WDFY4: variants seen among roughly 807,000 people sequenced by gnomAD.
The protein encoded by WDFY4 is WD repeat- and FYVE domain-containing protein 4.
Under a neutral mutation model 351.9 loss-of-function variants are expected in WDFY4, and 169 were observed. That is an observed-to-expected ratio of 0.48 (90% CI 0.42 to 0.55). WDFY4 has a LOEUF of 0.55. WDFY4 is among the 20% of genes least tolerant of loss of function. The pLI, the probability that WDFY4 is intolerant of heterozygous loss-of-function variation, is 0.00. For synonymous variants in WDFY4, 1,622 were observed against 1,574.6 expected (o/e 1.03, Z -0.71); for missense variants, 3,803 against 3,935.6 (o/e 0.97, Z 0.90).
chr10:48,700,820 G>A (rs1409509849), intron 1 of WDFY4, among the ~76,000 whole-genome samples: 2 of 152,178 alleles, frequency 1.3e-5, no homozygotes, highest in East Asian at 1.9e-4. Context: ...TGATTTTATC[G>A]TGGTCATTAA....
intron 43 of WDFY4, among the ~76,000 whole-genome samples, chr10:48,882,545 G>T (rs1398539764): frequency 6.6e-6 from 1 of 152,082 alleles, no homozygotes; most frequent in Non-Finnish European, 1.5e-5. Context: ...AATGAAAAGA[G>T]GTTTAGTTGG....
At chr10:48,704,435 C>T (rs945981209) in intron 1 of WDFY4, among the ~76,000 whole-genome samples, 9 of 152,132 alleles carry the variant, frequency 5.9e-5, no homozygotes, top group Non-Finnish European at 8.8e-5. Flanking sequence ...ACAGCACGGC[C>T]GGCAGGGAGG....
At chr10:48,820,513 A>G in intron 33 of WDFY4, 76 bp downstream of exon 33, 1 of 1,465,016 alleles carries the variant, frequency 6.8e-7, no homozygotes, top group Non-Finnish European at 9.2e-7. Flanking sequence ...GGCAGGATGC[A>G]CCCAGGGAGA....
intron 12 of WDFY4, among the ~76,000 whole-genome samples, chr10:48,747,089 G>T (rs563564528): frequency 2.6e-5 from 4 of 152,142 alleles, no homozygotes; most frequent in African/African-American, 9.6e-5. Flanking sequence ...GATTTTATTT[G>T]TCTGAAAACT....
At chr10:48,913,304 G>T (rs1356965383) in intron 47 of WDFY4, 61 of 1,243,818 alleles carry the variant, frequency 4.9e-5, no homozygotes, top group Non-Finnish European at 6.5e-5. Context: ...AGCCACAGGG[G>T]AGCCCTTGGT....
chr10:48,956,871 G>C (rs919798947), intron 51 of WDFY4, among the ~76,000 whole-genome samples: 1 of 152,208 alleles, frequency 6.6e-6, no homozygotes, highest in Non-Finnish European at 1.5e-5. Context: ...ATTTCCATAG[G>C]AGGGAAACAT....
At chr10:48,902,884 C>T (rs924790762) in intron 47 of WDFY4, among the ~76,000 whole-genome samples, 1 of 152,044 alleles carries the variant, frequency 6.6e-6, no homozygotes, top group African/African-American at 2.4e-5. Flanking sequence ...CCAAGGTGGG[C>T]AGACCACCTG....
intron 11 of WDFY4, among the ~76,000 whole-genome samples, chr10:48,739,992 G>A (rs920389128): frequency 6.6e-6 from 1 of 152,146 alleles, no homozygotes; most frequent in Non-Finnish European, 1.5e-5. Flanking sequence ...CAGCACTCAG[G>A]CGATTGTCTG....
chr10:48,947,741 C>G (rs1451424909), intron 51 of WDFY4, among the ~76,000 whole-genome samples: 1 of 152,122 alleles, frequency 6.6e-6, no homozygotes, highest in Non-Finnish European at 1.5e-5. Flanking sequence ...TCCAAGGAGC[C>G]CCTTTATCCC....
intron 47 of WDFY4, among the ~76,000 whole-genome samples, chr10:48,905,263 G>A (rs1457848563): frequency 6.6e-6 from 1 of 152,194 alleles, no homozygotes; most frequent in Non-Finnish European, 1.5e-5. Flanking sequence ...GTAGAGGAGG[G>A]GCAGAGGGAG....
chr10:48,942,628 A>G (rs1840837947), intron 48 of WDFY4, among the ~76,000 whole-genome samples: 1 of 152,220 alleles, frequency 6.6e-6, no homozygotes, highest in African/African-American at 2.4e-5. Flanking sequence ...TTCGGGGACA[A>G]TGAGAAAGTA....
chr10:48,760,412 C>T lies in WDFY4; in HGVS notation c.2525C>T (p.Pro842Leu), dbSNP rs1302859892. Residue 842 changes from proline (P) to leucine (L), a missense_variant, in exon 13 of 62, where the codon CCT (proline) becomes CTT (leucine). Coordinates refer to ENST00000325239, the MANE Select transcript of WDFY4 (RefSeq NM_001394531.1). ...GVVCIMVRLL[P>L]RLYHEDHPQL... ...GTGTGCATCATGGTGAGGCTGCTGC[C>T]TCGGTTGTACCATGAAGATCACCCA... The T allele has an allele frequency of 1.1e-5, 17 of 1,551,542 alleles. No homozygotes were observed. The highest frequency in any genetic ancestry group is 1.4e-5 in the Non-Finnish European group (16 of 1,147,000).
chr10:48,799,417 G>A (rs966383419), intron 24 of WDFY4, among the ~76,000 whole-genome samples: 4 of 150,648 alleles, frequency 2.7e-5, no homozygotes, highest in Non-Finnish European at 5.9e-5. Context: ...TGCACTGTAC[G>A]TGCCCATTGG....
rs567522613 is a variant in WDFY4, at chr10:48,890,747, C to G, written c.7316+20C>G. 1,353 of 1,551,404 alleles carry G rather than the reference C, an allele frequency of 8.7e-4. 2 individuals are homozygous for G. The highest frequency in any genetic ancestry group is 1.1e-3 in the Non-Finnish European group (1,215 of 1,146,724). On this transcript the variant is annotated intron_variant, in intron 44 of 61. Coordinates refer to ENST00000325239, the MANE Select transcript of WDFY4 (RefSeq NM_001394531.1). The stretch of plus-strand genomic sequence containing the variant: ...ATCCAAGTGAGTTATCCACTTCTCC[C>G]AGCAGATTCTTCCCTGAGCCCCATT...
At chr10:48,806,219 T>C in intron 27 of WDFY4, 124 bp downstream of exon 27, 1 of 906,752 alleles carries the variant, frequency 1.1e-6, no homozygotes, top group Non-Finnish European at 1.8e-6. Context: ...CAAGCCGTGG[T>C]TTCCAAGCCG....
chr10:48,781,668 T>C (rs2066230164), intron 19 of WDFY4, among the ~76,000 whole-genome samples: 1 of 152,230 alleles, frequency 6.6e-6, no homozygotes, highest in South Asian at 2.1e-4. Context: ...TCTGCAATTA[T>C]TAACAATATC....
Position 48,981,425 on chromosome 10 carries a change from G to T in WDFY4, c.9435G>T (p.Leu3145Phe). Residue 3145 changes from leucine to phenylalanine, a missense_variant, in exon 61 of 62, where the codon TTG becomes TTT. This residue lies in a region of WDFY4 where 3,054 missense variants were observed against 3,148.6 expected (regional missense o/e 0.97). Transcript: ENST00000325239. ...GAGAGCTGGACGTTAGCATTGCTTT[G>T]ACAGGGAAGCCCAGCAAAACCAGCC... ...LSRELDVSIA[L>F]TGKPSKTSPA... 1.3e-6 allele frequency: 2 copies of T among 1,551,732 alleles called. No individual in the cohort carries two copies. Among genetic ancestry groups the T allele is most frequent in the Non-Finnish European group, 1.7e-6 (2 of 1,147,010 alleles).
intron 24 of WDFY4, chr10:48,801,610 T>C: frequency 2.3e-6 from 1 of 428,302 alleles, no homozygotes; most frequent in Non-Finnish European, 4.8e-6. Flanking sequence ...GTGTGTGCCT[T>C]TGGGCAGTGG....
chr10:48,974,516 A>AAAAAAAAAAAAAAAAAAAC lies in WDFY4; in HGVS notation c.8929-333_8929-332insAAAAACAAAAAAAAAAAAA, dbSNP rs1554824248. On this transcript the variant is annotated intron_variant, in intron 57 of 61. Transcript: ENST00000325239. Reference sequence around the variant, plus strand: ...AGACTCCGTCTCAAAAAAAAAAAAAAAAAAAAAAAAAAACAACTCATGACA... The same window carrying AAAAAAAAAAAAAAAAAAAC: ...AGACTCCGTCTCAAAAAAAAAAAAAAAAAAAAAAAAAAAAAAAACAAAAAAAAAAAAACAACTCATGACA... 1.3e-3 allele frequency among the ~76,000 whole-genome samples: 21 copies of AAAAAAAAAAAAAAAAAAAC among 16,350 alleles called. 2 individuals carry two copies. The highest frequency in any genetic ancestry group is 4.6e-3 in the Non-Finnish European group (11 of 2,394). The allele number at this position is 16,350 out of a possible 152,430, so 10.7% of individuals were successfully genotyped here.
Sources: gnomAD v4.1 joint callset for allele counts (sites outside exome capture counted in the v4.1 genomes callset) on GRCh38, gnomAD v4.1.1 for gene constraint, gnomAD v4.1.1 regional missense constraint, MANE v1.5 for transcripts, NCBI Gene and HGNC (gene_info 2026-07-23, HGNC 2026-07-21) for gene names.